The following NALCN variants were observed in gnomAD, a reference collection of about 807,000 sequenced individuals.
NALCN encodes sodium leak channel NALCN.
NALCN carries 111 observed loss-of-function variants against 225.3 expected under a neutral mutation model. That is an observed-to-expected ratio of 0.49 (90% CI 0.42 to 0.58). NALCN has a LOEUF of 0.58. Ranked by LOEUF, NALCN falls within the 20% of genes least tolerant of loss-of-function variation. NALCN has a pLI of 0.00. For missense variants in NALCN, 1,378 were observed against 2,202.4 expected, an observed-to-expected ratio of 0.63 and a Z score of 7.49; for synonymous variants, 764 against 769.0, an observed-to-expected ratio of 0.99 and a Z score of 0.11.
intron 4 of NALCN, 144 bp from the exon 5 acceptor site, chr13:101,377,200 T>A: frequency 4.1e-6 from 4 of 983,532 alleles, no homozygotes; most frequent in Non-Finnish European, 5.9e-6. Context: ...AAATCCACTT[T>A]CTTTTGAGTA....
intron 13 of NALCN, among the ~76,000 whole-genome samples, chr13:101,208,766 CCTCT>C: frequency 6.6e-6 from 1 of 152,240 alleles, no homozygotes; most frequent in African/African-American, 2.4e-5. Context: ...GTTGGCGCCT[CCTCT>C]CTCTTTTGTT....
In NALCN at chr13:101,143,131, G is replaced by A. The variant is rs770448448; in HGVS notation, c.2067C>T (p.Cys689=). ...CAATTGCTGAGCGTTTGGAGTGGTC[G>A]CAGGAGGAGGAAGAGGTGGTCGGGA... ...RSLPTTSSSS[C]DHSKRSAIED... Residue 689 remains cysteine (C), a synonymous_variant, in exon 17 of 44, where the codon TGC becomes TGT. Coordinates refer to ENST00000251127, the MANE Select transcript of NALCN (RefSeq NM_052867.4). 30 of 1,614,180 alleles carry A rather than the reference G, an allele frequency of 1.9e-5. No homozygotes were observed. Among genetic ancestry groups the A allele is most frequent in the Admixed American group, 1.0e-4 (6 of 60,006 alleles).
At chr13:101,236,040 T>C (rs534035374) in intron 12 of NALCN, among the ~76,000 whole-genome samples, 1 of 152,166 alleles carries the variant, frequency 6.6e-6, no homozygotes, top group Non-Finnish European at 1.5e-5. Flanking sequence ...TTTAACAATA[T>C]CTATTTAGAA....
rs1464638024 is a variant in NALCN at position 101,279,632 on chromosome 13, C to T, written c.1134+4301G>A. 4.7e-5 allele frequency among the ~76,000 whole-genome samples: 7 copies of T among 149,548 alleles called. No individual in the cohort carries two copies. The East Asian group carries it at 7.9e-4, about 17-fold the overall frequency. ...GAGATCGAGACCATCCCGGCTAAAACGGTGAAACCCCGTCTCTACTAAAAA... is the reference window on the plus strand; with the variant it reads ...GAGATCGAGACCATCCCGGCTAAAATGGTGAAACCCCGTCTCTACTAAAAA... On this transcript the variant is annotated intron_variant, in intron 10 of 43. Transcript: ENST00000251127.
At chr13:101,408,118 A>ACTTTGCTGTCCATGTCTT (rs2047674477) in intron 1 of NALCN, among the ~76,000 whole-genome samples, 1 of 152,164 alleles carries the variant, frequency 6.6e-6, no homozygotes, top group Non-Finnish European at 1.5e-5. Flanking sequence ...CCCCAGGAAT[A>ACTTTGCTGTCCATGTCTT]CTTTGCTGTC....
At chr13:101,233,046 G>T (rs762547900) in intron 12 of NALCN, among the ~76,000 whole-genome samples, 1 of 152,056 alleles carries the variant, frequency 6.6e-6, no homozygotes, top group Non-Finnish European at 1.5e-5. Context: ...TCCTAGAAAG[G>T]AAAAATCCCT....
Position 101,065,369 on chromosome 13 carries a change from G to GC in NALCN, c.4604+34dup, listed in dbSNP as rs767586678. The GC allele has an allele frequency of 1.2e-5, 19 of 1,609,508 alleles. No homozygotes were observed. The East Asian group carries it at 3.8e-4, about 32-fold the overall frequency. On this transcript the variant is annotated intron_variant, in intron 40 of 43. Transcript: ENST00000251127. ...TGAAGGCTGACAGCTGTGGTTTCTG[G>GC]CCCCCATTCAGCCCTGCGAAAGCCT... is the stretch of plus-strand genomic sequence containing the variant.
Position 101,104,989 on chromosome 13 carries a change from A to T in NALCN, c.2580-39T>A. On this transcript the variant is annotated intron_variant, in intron 22 of 43. Coordinates refer to ENST00000251127, the MANE Select transcript of NALCN (RefSeq NM_052867.4). This position sits in a 1 kb window ranked among gnomAD's most constrained non-coding sequence, Gnocchi z 4.2. Reference sequence around the variant, plus strand: ...CATATATAAAATTCTGCAACAAAGCAAGCATGTTTTAACTTGCTAAAAATC... The same window carrying T: ...CATATATAAAATTCTGCAACAAAGCTAGCATGTTTTAACTTGCTAAAAATC... The T allele has an allele frequency of 2.5e-6, 4 of 1,580,934 alleles. No individual in the cohort carries two copies. The highest frequency in any genetic ancestry group is 3.5e-6 in the Non-Finnish European group (4 of 1,152,062).
At chr13:101,409,922 T>C (rs1010201358) in intron 1 of NALCN, among the ~76,000 whole-genome samples, 4 of 152,166 alleles carry the variant, frequency 2.6e-5, no homozygotes, top group Non-Finnish European at 4.4e-5. Flanking sequence ...TTATCTCTAA[T>C]GTATTTGGAG....
At chr13:101,069,445 T>C (rs1012049110) in intron 37 of NALCN, among the ~76,000 whole-genome samples, 1 of 152,232 alleles carries the variant, frequency 6.6e-6, no homozygotes, top group Non-Finnish European at 1.5e-5. Flanking sequence ...CTAACAATCA[T>C]GTGAGCCTTC....
chr13:101,292,421 G>A lies in NALCN; in HGVS notation c.800-55C>T, dbSNP rs987554041. 1.3e-6 allele frequency: 2 copies of A among 1,523,160 alleles called. No homozygotes were observed. Among genetic ancestry groups the A allele is most frequent in the Non-Finnish European group, 8.9e-7 (1 of 1,128,458 alleles). The allele number at this position is 1,523,160 out of a possible 1,614,324, so 94.4% of individuals were successfully genotyped here. A position where few individuals can be genotyped will look rare whatever the true frequency, so the allele number is the denominator to read the frequency against. On this transcript the variant is annotated intron_variant, in intron 7 of 43. Transcript: ENST00000251127. This position sits in a 1 kb window ranked among gnomAD's most constrained non-coding sequence, Gnocchi z 4.3. ...CACAGCTGACTTTTGAAATAAGAAA[G>A]CATTTTCCAGAAAAACAATCAATAT...
intron 7 of NALCN, among the ~76,000 whole-genome samples, chr13:101,311,228 TG>T: frequency 6.6e-6 from 1 of 151,670 alleles, no homozygotes; most frequent in African/African-American, 2.4e-5. Flanking sequence ...GAGACTTTGC[TG>T]AAGTTGCTTA....
Position 101,077,240 on chromosome 13 carries a change from C to T in NALCN, c.3886-1299G>A, listed in dbSNP as rs549125637. 7.2e-5 allele frequency among the ~76,000 whole-genome samples: 11 copies of T among 152,248 alleles called. No individual in the cohort carries two copies. In the East Asian group the frequency reaches 2.1e-3, roughly 29 times the overall value. On this transcript the variant is annotated intron_variant, in intron 34 of 43. Coordinates refer to ENST00000251127, the MANE Select transcript of NALCN (RefSeq NM_052867.4). ...AATTACCCAGTTTTGGGTATTTCTT[C>T]ATAGCAGCATGAAAAAGGACTAACA...
chr13:101,192,171 G>A, intron 13 of NALCN, 117 bp from the exon 14 acceptor site: 2 of 1,132,564 alleles, frequency 1.8e-6, no homozygotes, highest in South Asian at 1.6e-5. Context: ...ATCTGATCAG[G>A]GCAAGAACAG....
chr13:101,279,370 TGAG>T (rs760759463), intron 10 of NALCN, among the ~76,000 whole-genome samples: 4 of 152,168 alleles, frequency 2.6e-5, no homozygotes, highest in Non-Finnish European at 4.4e-5. Flanking sequence ...TGCAGGAGTC[TGAG>T]AAGAATCGAC....
At chr13:101,187,921 T>C (rs918630114) in intron 14 of NALCN, among the ~76,000 whole-genome samples, 2 of 152,190 alleles carry the variant, frequency 1.3e-5, no homozygotes, top group African/African-American at 4.8e-5. Flanking sequence ...CACTAAATTA[T>C]AGAAACCATT....
chr13:101,258,524 G>T lies in NALCN; in HGVS notation c.1185C>A (p.Thr395=). ...TGCTAGCCGCCACGATCACGTCCAC[G>T]GTCACCATGCTCAGGATGAACATGT... ...VFHMFILSMV[T]VDVIVAASNY... is the part of the protein sequence containing the mutation. The change falls in exon 11 of 44, where the codon ACC becomes ACA. Residue 395 remains threonine (T), a synonymous_variant. Transcript: ENST00000251127. The T allele has an allele frequency of 6.2e-7, 1 of 1,614,084 alleles. No homozygotes were observed. The highest frequency in any genetic ancestry group is 1.3e-5 in the African/African-American group (1 of 75,008).
At chr13:101,417,155 CA>C (rs1488253245), upstream of NALCN, among the ~76,000 whole-genome samples, 1 of 152,126 alleles carries the variant, frequency 6.6e-6, no homozygotes, top group African/African-American at 2.4e-5. Flanking sequence ...CTAGGGCTCC[CA>C]GCAGAGCAGG....
At chr13:101,335,764 T>C (rs1419928224) in intron 7 of NALCN, among the ~76,000 whole-genome samples, 2 of 151,982 alleles carry the variant, frequency 1.3e-5, no homozygotes. Context: ...AATTAGTCTT[T>C]ACTGGGCTTT....
Sources: allele counts gnomAD v4.1 joint callset (sites outside exome capture counted in the v4.1 genomes callset), GRCh38; gene constraint gnomAD v4.1.1; non-coding constraint Gnocchi (gnomAD v3.1); transcripts MANE v1.5; gene names NCBI Gene and HGNC (gene_info 2026-07-23, HGNC 2026-07-21).